Variants in ACLY observed in about 807,000 individuals in gnomAD.
ACLY encodes ATP-citrate synthase.
ACLY carries 41 observed loss-of-function variants against 133.0 expected under a neutral mutation model. The observed-to-expected ratio is 0.31, with a 90% CI of 0.24 to 0.40. ACLY has a LOEUF of 0.40. Ranked by LOEUF, ACLY falls within the 10% of genes least tolerant of loss-of-function variation. ACLY has a pLI of 1.00. For synonymous variants in ACLY, 495 were observed against 549.3 expected (o/e 0.90, Z 1.38); for missense variants, 1,046 against 1,453.8 (o/e 0.72, Z 4.56).
chr17:41,907,954 C>T (rs1355621048), intron 6 of ACLY, among the ~76,000 whole-genome samples: 3 of 152,148 alleles, frequency 2.0e-5, no homozygotes, highest in African/African-American at 4.8e-5. Context: ...GAAGACCCCC[C>T]ACCGGTATGC....
chr17:41,927,984 C>A (rs534101393), intron 1 of ACLY, among the ~76,000 whole-genome samples: 2 of 151,964 alleles, frequency 1.3e-5, no homozygotes, highest in South Asian at 4.2e-4. Flanking sequence ...CAAAACAACA[C>A]AAAAATCAGC....
At chr17:41,876,703 G>C (rs1380973388) in intron 22 of ACLY, among the ~76,000 whole-genome samples, 1 of 152,170 alleles carries the variant, frequency 6.6e-6, no homozygotes, top group South Asian at 2.1e-4. Flanking sequence ...TTAAACAGAT[G>C]CTTGAAGGCA....
upstream of ACLY, among the ~76,000 whole-genome samples, chr17:41,919,181 TGCGGGGCCGGG>T (rs2050139531): frequency 6.6e-6 from 1 of 152,014 alleles, no homozygotes; most frequent in Non-Finnish European, 1.5e-5. Context: ...CTTGGGAGCC[TGCGGGGCCGGG>T]GCGGGGCCCC....
chr17:41,886,240 G>A lies in ACLY; in HGVS notation c.1944C>T (p.Ala648=). 1 of 1,614,154 alleles carries A rather than the reference G, an allele frequency of 6.2e-7. No homozygotes were observed. Among genetic ancestry groups the A allele is most frequent in the South Asian group, 1.1e-5 (1 of 91,080 alleles). Residue 648 remains alanine (A), a synonymous_variant, in exon 18 of 29, where the codon GCC becomes GCT. Coordinates refer to ENST00000352035, the MANE Select transcript of ACLY (RefSeq NM_001096.3). The stretch of plus-strand genomic sequence containing the variant: ...CGCTGCCTGGGCGGTACAGTTTGGA[G>A]GCCAGGATGTTGTCCAGCATCCCAC... ...NTGGMLDNIL[A]SKLYRPGSVA... is the part of the protein sequence containing the mutation.
intron 16 of ACLY, among the ~76,000 whole-genome samples, chr17:41,889,551 A>AAAAAAAAAAAAAAAC: frequency 6.7e-6 from 1 of 149,704 alleles, no homozygotes; most frequent in Non-Finnish European, 1.5e-5. Flanking sequence ...AAAAAAAAAA[A>AAAAAAAAAAAAAAAC]AAAAAGAAGT....
At chr17:41,925,861 T>G (rs936484979) in intron 1 of ACLY, among the ~76,000 whole-genome samples, 8 of 152,004 alleles carry the variant, frequency 5.3e-5, no homozygotes, top group Non-Finnish European at 7.4e-5. Context: ...TTTTTTTTTT[T>G]TGAGAGAGAG....
At chr17:41,891,917 G>A (rs782253244) in intron 16 of ACLY, among the ~76,000 whole-genome samples, 2 of 152,056 alleles carry the variant, frequency 1.3e-5, no homozygotes, top group Non-Finnish European at 2.9e-5. Context: ...TGCTTAGGCT[G>A]GTCTTGAACT....
chr17:41,902,282 C>T (rs898318341), intron 10 of ACLY, among the ~76,000 whole-genome samples: 2 of 152,296 alleles, frequency 1.3e-5, no homozygotes, highest in Non-Finnish European at 2.9e-5. Context: ...GGTGTGAGCT[C>T]GGCTCACTGC....
chr17:41,878,870 C>G lies in ACLY; in HGVS notation c.2320G>C (p.Ala774Pro). The G allele has an allele frequency of 6.2e-7, 1 of 1,614,112 alleles. No homozygotes were observed. The highest frequency in any genetic ancestry group is 8.5e-7 in the Non-Finnish European group (1 of 1,180,004). ...CANQASETAVAKNQALKEAGV... is the reference protein window; with the variant it reads ...CANQASETAVPKNQALKEAGV... ...GCTTCCTTCAAAGCCTGGTTCTTGG[C>G]TACTGCAGTTTCAGAAGCCTGGTTG... is the stretch of plus-strand genomic sequence containing the variant. Residue 774 changes from alanine to proline, a missense_variant, in exon 21 of 29, where the codon GCC becomes CCC. Ala to Pro is a conservative substitution (Grantham distance 27, BLOSUM62 -1). Around this residue, in one of 4 missense-constraint regions of ACLY, gnomAD observed 575 missense variants for 804.2 expected, o/e 0.71. Transcript: ENST00000352035.
intron 8 of ACLY, 86 bp downstream of exon 8, chr17:41,906,442 T>G (rs782195530): frequency 1.2e-5 from 14 of 1,202,586 alleles, no homozygotes; most frequent in Non-Finnish European, 1.6e-5. Context: ...CACACCAAAG[T>G]GACAGGACCC....
intron 16 of ACLY, among the ~76,000 whole-genome samples, chr17:41,890,438 A>C (rs145930835): frequency 2.0e-5 from 3 of 151,348 alleles, no homozygotes; most frequent in Non-Finnish European, 4.4e-5. Context: ...TAATCCCAGC[A>C]CTTTGGGAGG....
chr17:41,873,666 T>C, intron 23 of ACLY, 145 bp downstream of exon 23: 1 of 1,012,758 alleles, frequency 9.9e-7, no homozygotes, highest in Non-Finnish European at 1.3e-6. Flanking sequence ...TTATGTGTCC[T>C]TCCTCTGGCC....
At chr17:41,877,411 G>A (rs2048791126) in intron 22 of ACLY, among the ~76,000 whole-genome samples, 1 of 150,780 alleles carries the variant, frequency 6.6e-6, no homozygotes, top group African/African-American at 2.4e-5. Context: ...CCAAAGTGCT[G>A]GGATTACAGG....
chr17:41,883,018 G>T, intron 20 of ACLY, 104 bp downstream of exon 20: 1 of 940,964 alleles, frequency 1.1e-6, no homozygotes, highest in Non-Finnish European at 1.6e-6. Context: ...AACGTTTCTT[G>T]AAGGAACTAG....
intron 14 of ACLY, among the ~76,000 whole-genome samples, chr17:41,896,301 T>A (rs1375550033): frequency 6.6e-6 from 1 of 152,086 alleles, no homozygotes; most frequent in Non-Finnish European, 1.5e-5. Context: ...GGCGACACTC[T>A]CTCCTTGACA....
upstream of ACLY, among the ~76,000 whole-genome samples, chr17:41,923,661 T>C (rs1274887012): frequency 6.6e-6 from 1 of 152,102 alleles, no homozygotes; most frequent in Non-Finnish European, 1.5e-5. Flanking sequence ...TGGACACATA[T>C]TAAGCATTCA....
rs1161424731 is a variant in ACLY, at chr17:41,909,123, C to T, written c.537-55G>A. 7 of 1,401,188 alleles carry T rather than the reference C, an allele frequency of 5.0e-6. No individual in the cohort carries two copies. The African/African-American group carries it at 9.9e-5, about 20-fold the overall frequency. The allele number at this position is 1,401,188 out of a possible 1,614,324, so 86.8% of individuals were successfully genotyped here. ...CATCCATCAGGGAGCAGCTCGGCAG[C>T]ACCCCAGGCGCCCCGCAGCAATCTC... On this transcript the variant is annotated intron_variant, in intron 5 of 28. Transcript: ENST00000352035.
In ACLY at chr17:41,897,790, T is replaced by A. The variant is rs1555630695; in HGVS notation, c.1388A>T (p.Glu463Val). 2 of 1,613,422 alleles carry A rather than the reference T, an allele frequency of 1.2e-6. No individual in the cohort carries two copies. Among genetic ancestry groups the A allele is most frequent in the Non-Finnish European group, 1.7e-6 (2 of 1,179,738 alleles). Residue 463 changes from glutamate to valine, a missense_variant, in exon 13 of 29, where the codon GAG becomes GTG. By Grantham distance (121) the Glu-to-Val change is moderately radical (BLOSUM62 -2). Around this residue, in one of 4 missense-constraint regions of ACLY, gnomAD observed 575 missense variants for 804.2 expected, o/e 0.71. Transcript: ENST00000352035. ...TASFSESRAD[E>V]VAPAKKAKPA... ...CTTGGCCTTCTTTGCAGGCGCCACC[T>A]CATCGGCCCTGGACTCAGAAAAAGA... is the stretch of plus-strand genomic sequence containing the variant.
At chr17:41,873,262 C>T (rs1278335362) in intron 23 of ACLY, among the ~76,000 whole-genome samples, 1 of 150,786 alleles carries the variant, frequency 6.6e-6, no homozygotes, top group Non-Finnish European at 1.5e-5. Flanking sequence ...TCACTGCAAA[C>T]TCCACCTCCC....
Sources: gnomAD v4.1 joint callset for allele counts (sites outside exome capture counted in the v4.1 genomes callset) on GRCh38, gnomAD v4.1.1 for gene constraint, gnomAD v4.1.1 regional missense constraint, MANE v1.5 for transcripts, NCBI Gene and HGNC (gene_info 2026-07-23, HGNC 2026-07-21) for gene names.